Variants in KCNH5 observed in about 807,000 individuals in gnomAD.
The protein encoded by KCNH5 is voltage-gated delayed rectifier potassium channel KCNH5.
A neutral mutation model predicts 96.1 loss-of-function variants in KCNH5; 46 were observed. That is an observed-to-expected ratio of 0.48 (90% CI 0.38 to 0.61). The LOEUF (loss-of-function observed/expected upper bound fraction) is 0.61, where lower values mean the gene tolerates loss of function less well. Ranked by LOEUF, KCNH5 falls within the 20% of genes least tolerant of loss-of-function variation. KCNH5 has a pLI of 0.00. For synonymous variants in KCNH5, 439 were observed against 449.8 expected (o/e 0.98, Z 0.30); for missense variants, 907 against 1,225.8 (o/e 0.74, Z 3.88).
chr14:62,993,544 T>A (rs776595236), intron 4 of KCNH5, among the ~76,000 whole-genome samples: 40 of 152,174 alleles, frequency 2.6e-4, no homozygotes, highest in Non-Finnish European at 5.4e-4. Context: ...TGATCACACA[T>A]ACGTTTCAAT....
intron 10 of KCNH5, among the ~76,000 whole-genome samples, chr14:62,734,925 A>T (rs1170339750): frequency 2.0e-5 from 3 of 152,190 alleles, no homozygotes; most frequent in Non-Finnish European, 4.4e-5. Flanking sequence ...ACATTTCAAA[A>T]ATCCATGAAA....
At chr14:62,793,765 T>C (rs551436144) in intron 9 of KCNH5, among the ~76,000 whole-genome samples, 69 of 151,846 alleles carry the variant, frequency 4.5e-4, no homozygotes, top group Middle Eastern at 3.4e-3. Context: ...GAAATAGAAA[T>C]CTGGCTCTCA....
chr14:63,027,603 T>C (rs1196645298), intron 1 of KCNH5, among the ~76,000 whole-genome samples: 2 of 101,396 alleles, frequency 2.0e-5, no homozygotes, highest in Non-Finnish European at 4.0e-5. Flanking sequence ...AAAATGTAGA[T>C]ATTTTGAAAA....
chr14:62,738,269 G>C (rs10137751), intron 10 of KCNH5, among the ~76,000 whole-genome samples: 10,179 of 152,086 alleles, frequency 0.067, 951 homozygotes, highest in African/African-American at 0.21. Flanking sequence ...TCACTTCTCA[G>C]AACAACCCAC....
chr14:62,887,804 A>G (rs1461569862), intron 7 of KCNH5, among the ~76,000 whole-genome samples: 1 of 149,280 alleles, frequency 6.7e-6, no homozygotes, highest in Non-Finnish European at 1.5e-5. Flanking sequence ...ACTGCATAAG[A>G]AAAAAAAAAG....
At chr14:62,805,823 T>C (rs1409355909) in intron 8 of KCNH5, among the ~76,000 whole-genome samples, 3 of 152,314 alleles carry the variant, frequency 2.0e-5, no homozygotes, top group South Asian at 2.1e-4. Flanking sequence ...AACAGAATAT[T>C]AATAAATTAG....
chr14:62,737,232 G>T (rs912692483), intron 10 of KCNH5, among the ~76,000 whole-genome samples: 5 of 152,040 alleles, frequency 3.3e-5, no homozygotes, highest in African/African-American at 1.2e-4. Context: ...ATCTCAACAA[G>T]GACTTCATTT....
At chr14:62,761,448 T>C (rs959141812) in intron 10 of KCNH5, among the ~76,000 whole-genome samples, 4 of 151,970 alleles carry the variant, frequency 2.6e-5, no homozygotes, top group African/African-American at 9.7e-5. Context: ...TACATGTCTG[T>C]TGAGCTTCTA....
intron 6 of KCNH5, among the ~76,000 whole-genome samples, chr14:62,955,522 TAGTA>T (rs1890087481): frequency 6.6e-6 from 1 of 152,210 alleles, no homozygotes; most frequent in Admixed American, 6.5e-5. Context: ...TTCACATACA[TAGTA>T]AGAGGAGGAA....
chr14:62,833,643 T>C (rs1887406354), intron 8 of KCNH5, among the ~76,000 whole-genome samples: 1 of 152,082 alleles, frequency 6.6e-6, no homozygotes, highest in African/African-American at 2.4e-5. Flanking sequence ...TTTTTTCTAC[T>C]CTTATTTTAA....
chr14:62,817,040 T>G (rs1886993772), intron 8 of KCNH5, among the ~76,000 whole-genome samples: 1 of 145,210 alleles, frequency 6.9e-6, no homozygotes, highest in Non-Finnish European at 1.5e-5. Context: ...CACGTATTAC[T>G]TTTCTGATGT....
intron 4 of KCNH5, among the ~76,000 whole-genome samples, chr14:62,993,700 T>G (rs1890855619): frequency 1.3e-5 from 2 of 152,060 alleles, no homozygotes; most frequent in African/African-American, 4.8e-5. Context: ...CTGTATAAAC[T>G]TTGAAAAAGT....
rs1566633488 is a variant in KCNH5 at position 62,707,642 on chromosome 14, T to C, written c.2833A>G (p.Lys945Glu). 4 of 1,584,710 alleles carry C rather than the reference T, an allele frequency of 2.5e-6. No individual in the cohort carries two copies. Among genetic ancestry groups the C allele is most frequent in the Non-Finnish European group, 3.4e-6 (4 of 1,161,136 alleles). Residue 945 changes from lysine to glutamate, a missense_variant, in exon 11 of 11, where the codon AAA becomes GAA. Physicochemically the swap from Lys to Glu is moderately conservative, Grantham distance 56. Coordinates refer to ENST00000322893, the MANE Select transcript of KCNH5 (RefSeq NM_139318.5). Reference sequence around the variant, plus strand: ...GGAGATGAGGCCTGGGGTACGCTTTTTTCCGACAGTATTTTTAAAATTTCT... The same window carrying C: ...GGAGATGAGGCCTGGGGTACGCTTTCTTCCGACAGTATTTTTAAAATTTCT... ...VAEILKILSE[K>E]SVPQASSPKS... is the part of the protein sequence containing the mutation.
chr14:62,940,462 A>G (rs1240576668), intron 7 of KCNH5, among the ~76,000 whole-genome samples: 1 of 152,108 alleles, frequency 6.6e-6, no homozygotes. Flanking sequence ...CCTCCAATTC[A>G]TTGTCCACAA....
At chr14:63,001,550 G>C (rs955038993) in intron 3 of KCNH5, 91 bp from the exon 4 acceptor site, 14 of 1,212,892 alleles carry the variant, frequency 1.2e-5, no homozygotes, top group Non-Finnish European at 1.6e-5. Context: ...TCCTTCAGCT[G>C]CCAACAGCTG....
At chr14:62,760,759 T>C (rs1885729810) in intron 10 of KCNH5, among the ~76,000 whole-genome samples, 1 of 152,214 alleles carries the variant, frequency 6.6e-6, no homozygotes, top group African/African-American at 2.4e-5. Flanking sequence ...ATTTGATTCC[T>C]TTAGAAAAAG....
Position 62,702,561 on chromosome 14 carries a change from A to T in KCNH5, c.*4947T>A, listed in dbSNP as rs1295044803. The stretch of plus-strand genomic sequence containing the variant: ...TATACCTTCATGGGGTTGCTGCAAG[A>T]ATTAAATTTGATAACCTAAATAAAA... On this transcript the variant is annotated 3_prime_UTR_variant, in exon 11 of 11. Transcript: ENST00000322893. 6.6e-6 allele frequency: 1 copy of T among 152,016 alleles called. No individual in the cohort carries two copies. Among genetic ancestry groups the T allele is most frequent in the East Asian group, 1.9e-4 (1 of 5,196 alleles). The allele number at this position is 152,016 out of a possible 1,614,324, so 9.4% of individuals were successfully genotyped here.
chr14:63,012,300 C>T (rs1246217116), intron 2 of KCNH5, among the ~76,000 whole-genome samples: 1 of 152,138 alleles, frequency 6.6e-6, no homozygotes, highest in Non-Finnish European at 1.5e-5. Context: ...AAATGGACAA[C>T]ATTTGAAATT....
At chr14:62,809,858 C>T (rs1886838846) in intron 8 of KCNH5, among the ~76,000 whole-genome samples, 1 of 152,050 alleles carries the variant, frequency 6.6e-6, no homozygotes, top group Non-Finnish European at 1.5e-5. Context: ...TAGGCTAACC[C>T]TGCTCATTCC....
Sources: allele counts gnomAD v4.1 joint callset (sites outside exome capture counted in the v4.1 genomes callset), GRCh38; gene constraint gnomAD v4.1.1; transcripts MANE v1.5; gene names NCBI Gene and HGNC (gene_info 2026-07-23, HGNC 2026-07-21).